Variants in AFF3 observed in about 807,000 individuals in gnomAD.
AFF3 encodes AF4/FMR2 family member 3.
Under a neutral mutation model 129.7 loss-of-function variants are expected in AFF3, and 32 were observed. The observed-to-expected ratio is 0.25, with a 90% CI of 0.19 to 0.33. The LOEUF is 0.33. Ranked by LOEUF, AFF3 falls within the 10% of genes least tolerant of loss-of-function variation. AFF3 has a pLI of 1.00. For synonymous variants in AFF3, 644 were observed against 635.4 expected (o/e 1.01, Z -0.20); for missense variants, 1,373 against 1,592.0 (o/e 0.86, Z 2.34).
chr2:99,885,479 T>C (rs1283948925), intron 7 of AFF3, among the ~76,000 whole-genome samples: 1 of 152,226 alleles, frequency 6.6e-6, no homozygotes, highest in Non-Finnish European at 1.5e-5. Context: ...GAGTAAAGAC[T>C]AAAACAAAAA....
At chr2:99,577,661 T>A (rs1387777335) in intron 18 of AFF3, among the ~76,000 whole-genome samples, 1 of 152,252 alleles carries the variant, frequency 6.6e-6, no homozygotes, top group Non-Finnish European at 1.5e-5. Flanking sequence ...CCTTGACACA[T>A]ACATTTTCCC....
intron 4 of AFF3, among the ~76,000 whole-genome samples, chr2:100,061,861 G>GC (rs1038294584): frequency 2.6e-5 from 4 of 151,190 alleles, no homozygotes; most frequent in African/African-American, 9.7e-5. Context: ...CAGTGGAGGG[G>GC]GGGGGGGTGC....
chr2:99,550,432 T>G lies in AFF3; in HGVS notation c.*1042A>C. 1 of 230,714 alleles carries G rather than the reference T, an allele frequency of 4.3e-6. No individual in the cohort carries two copies. The highest frequency in any genetic ancestry group is 8.6e-6 in the Non-Finnish European group (1 of 116,488). The allele number at this position is 230,714 out of a possible 1,614,324, so 14.3% of individuals were successfully genotyped here. On this transcript the variant is annotated 3_prime_UTR_variant, in exon 25 of 25. Transcript: ENST00000672756. ...TTATCATGGCAAATAGCTCTCAGCCTGGTAAGCGAAGGATTCAGGCTCCTA... is the reference window on the plus strand; with the variant it reads ...TTATCATGGCAAATAGCTCTCAGCCGGGTAAGCGAAGGATTCAGGCTCCTA...
chr2:99,787,225 C>T (rs191710104), intron 8 of AFF3, among the ~76,000 whole-genome samples: 30 of 152,192 alleles, frequency 2.0e-4, no homozygotes, highest in African/African-American at 6.7e-4. Flanking sequence ...CAGAAGTGCT[C>T]GTTGGGTCAT....
At chr2:100,073,364 G>A (rs934539515) in intron 4 of AFF3, among the ~76,000 whole-genome samples, 8 of 152,112 alleles carry the variant, frequency 5.3e-5, no homozygotes, top group Admixed American at 1.3e-4. Context: ...GCCAAAGAAC[G>A]CCAAAGATCA....
At chr2:100,137,351 G>A (rs866333100) in intron 1 of AFF3, among the ~76,000 whole-genome samples, 4 of 152,210 alleles carry the variant, frequency 2.6e-5, no homozygotes, top group South Asian at 2.1e-4. Flanking sequence ...GTTAACCCAT[G>A]AGTCAGACCA....
intron 15 of AFF3, among the ~76,000 whole-genome samples, chr2:99,592,277 C>T (rs777695871): frequency 1.3e-5 from 2 of 152,226 alleles, no homozygotes; most frequent in Non-Finnish European, 2.9e-5. Flanking sequence ...CGCTTCCATT[C>T]CTGACCCTGG....
At chr2:99,873,266 G>A (rs1319946235) in intron 7 of AFF3, among the ~76,000 whole-genome samples, 1 of 152,188 alleles carries the variant, frequency 6.6e-6, no homozygotes, top group Non-Finnish European at 1.5e-5. Context: ...GGTGTTCGTG[G>A]CAGAAAAGAA....
At chr2:99,838,473 T>C (rs1167392235) in intron 7 of AFF3, among the ~76,000 whole-genome samples, 2 of 152,208 alleles carry the variant, frequency 1.3e-5, no homozygotes, top group Non-Finnish European at 2.9e-5. Context: ...TTCTAGTTAA[T>C]TTCCTAGTTA....
intron 7 of AFF3, among the ~76,000 whole-genome samples, chr2:99,953,105 G>A (rs1057446638): frequency 1.3e-5 from 2 of 152,134 alleles, no homozygotes; most frequent in Non-Finnish European, 1.5e-5. Context: ...ACTAAGGCCT[G>A]GGAATACAGA....
chr2:100,093,770 T>G (rs1469118889), intron 4 of AFF3, among the ~76,000 whole-genome samples: 1 of 152,184 alleles, frequency 6.6e-6, no homozygotes, highest in East Asian at 1.9e-4. Context: ...AACTCTGTCC[T>G]GGGCTCTACA....
chr2:99,603,840 A>C (rs1010532252), intron 13 of AFF3, among the ~76,000 whole-genome samples: 1 of 152,252 alleles, frequency 6.6e-6, no homozygotes. Flanking sequence ...ACTTCAAAAG[A>C]AGACATACAT....
intron 2 of AFF3, among the ~76,000 whole-genome samples, chr2:100,126,354 A>C (rs540019750): frequency 6.6e-6 from 1 of 152,306 alleles, no homozygotes; most frequent in Admixed American, 6.5e-5. Flanking sequence ...GCCAGCTGCC[A>C]AGGATAATTG....
At chr2:100,044,360 A>G (rs1220562801) in intron 4 of AFF3, among the ~76,000 whole-genome samples, 1 of 152,220 alleles carries the variant, frequency 6.6e-6, no homozygotes, top group East Asian at 1.9e-4. Context: ...TAAGATACAA[A>G]TAAAGAGAAA....
intron 13 of AFF3, among the ~76,000 whole-genome samples, chr2:99,639,457 T>TA (rs1683980702): frequency 6.6e-6 from 1 of 152,168 alleles, no homozygotes; most frequent in South Asian, 2.1e-4. Flanking sequence ...CTGGGCCTGT[T>TA]AGAGAGGAGA....
intron 7 of AFF3, among the ~76,000 whole-genome samples, chr2:99,906,690 T>C (rs1431842241): frequency 1.3e-5 from 2 of 152,174 alleles, no homozygotes; most frequent in Non-Finnish European, 2.9e-5. Context: ...GAAATTCTAC[T>C]GGTGGACTTC....
intron 7 of AFF3, among the ~76,000 whole-genome samples, chr2:99,928,471 G>T (rs1696433906): frequency 6.6e-6 from 1 of 152,118 alleles, no homozygotes; most frequent in Non-Finnish European, 1.5e-5. Context: ...CATCTTCACA[G>T]CACATACTCA....
chr2:99,958,853 C>T (rs1488768108), intron 7 of AFF3, among the ~76,000 whole-genome samples: 2 of 151,918 alleles, frequency 1.3e-5, no homozygotes, highest in Non-Finnish European at 2.9e-5. Flanking sequence ...TGGTTCATAC[C>T]TGTAATCTCA....
chr2:99,981,109 C>T (rs898493434), intron 7 of AFF3, among the ~76,000 whole-genome samples: 7 of 152,284 alleles, frequency 4.6e-5, no homozygotes, highest in Non-Finnish European at 8.8e-5. Flanking sequence ...ACCTCCACCT[C>T]CCAGGTTCAA....
Sources: gnomAD v4.1 joint callset for allele counts (sites outside exome capture counted in the v4.1 genomes callset) on GRCh38, gnomAD v4.1.1 for gene constraint, MANE v1.5 for transcripts, NCBI Gene and HGNC (gene_info 2026-07-23, HGNC 2026-07-21) for gene names.